The following LARP4B variants were observed in gnomAD, a reference collection of about 807,000 sequenced individuals.
LARP4B encodes la-related protein 4B.
LARP4B carries 12 observed loss-of-function variants against 89.8 expected under a neutral mutation model. That is an observed-to-expected ratio of 0.13 (90% confidence interval 0.09 to 0.22). The LOEUF is 0.22. Ranked by LOEUF, LARP4B falls within the 10% of genes least tolerant of loss-of-function variation. The pLI, the probability that LARP4B is intolerant of heterozygous loss-of-function variation, is 1.00. For missense variants in LARP4B, 757 were observed against 947.7 expected (o/e 0.80, Z 2.64); for synonymous variants, 367 against 363.3 (o/e 1.01, Z -0.12).
At chr10:975,768 A>G in the LARP4B span, among the ~76,000 whole-genome samples, 3 of 151,670 alleles carry the variant, frequency 2.0e-5, no homozygotes, top group African/African-American at 4.9e-5. Flanking sequence ...CCAGCCTAGT[A>G]GAACGTAAGC....
At chr10:926,026 T>C (rs919258253) in intron 1 of LARP4B, among the ~76,000 whole-genome samples, 2 of 152,246 alleles carry the variant, frequency 1.3e-5, no homozygotes, top group African/African-American at 4.8e-5. Flanking sequence ...TTCCTATTTG[T>C]TTACAGAAAT....
At chr10:984,394 C>G in the LARP4B span, among the ~76,000 whole-genome samples, 1 of 152,168 alleles carries the variant, frequency 6.6e-6, no homozygotes, top group African/African-American at 2.4e-5. Flanking sequence ...GAAAAGAGAT[C>G]GCAAGATTTC....
chr10:979,404 A>G, the LARP4B span, among the ~76,000 whole-genome samples: 1 of 152,282 alleles, frequency 6.6e-6, no homozygotes, highest in African/African-American at 2.4e-5. Context: ...GGGTTAGTCA[A>G]AGGGAGGCCC....
At chr10:932,030 T>TG (rs1292790005), upstream of LARP4B, among the ~76,000 whole-genome samples, 1 of 134,752 alleles carries the variant, frequency 7.4e-6, no homozygotes, top group African/African-American at 2.8e-5. Context: ...CGCCTGACGC[T>TG]GGGGGGCCGT....
At chr10:964,294 C>T in the LARP4B span, among the ~76,000 whole-genome samples, 19 of 152,118 alleles carry the variant, frequency 1.2e-4, no homozygotes, top group Non-Finnish European at 1.8e-4. Flanking sequence ...CTCGAACTCC[C>T]GACCTCGTGA....
In LARP4B at chr10:820,791, T is replaced by G. The variant is rs778198182; in HGVS notation, c.1530+9A>C. 6.2e-7 allele frequency: 1 copy of G among 1,609,662 alleles called. No individual in the cohort carries two copies. The highest frequency in any genetic ancestry group is 1.1e-5 in the South Asian group (1 of 90,852). On this transcript the variant is annotated intron_variant, in intron 14 of 17. Coordinates refer to ENST00000316157, the MANE Select transcript of LARP4B (RefSeq NM_015155.3). ...GTCTTGTGAAGAGGTATATGCTTTA[T>G]GTACTCACTGTAAACTTCTCCTCCC...
chr10:842,117 T>C (rs764140898), intron 7 of LARP4B, among the ~76,000 whole-genome samples: 127 of 152,150 alleles, frequency 8.3e-4, no homozygotes, highest in Non-Finnish European at 7.1e-4. Context: ...CTCAAAACTA[T>C]GTAGGGGCAC....
intron 1 of LARP4B, among the ~76,000 whole-genome samples, chr10:927,698 C>G (rs1363356105): frequency 6.6e-6 from 1 of 152,332 alleles, no homozygotes; most frequent in East Asian, 1.9e-4. Context: ...CAAGGAAACC[C>G]TTACAGCAGT....
intron 5 of LARP4B, among the ~76,000 whole-genome samples, chr10:854,209 G>A (rs999708491): frequency 6.6e-6 from 1 of 152,076 alleles, no homozygotes; most frequent in Non-Finnish European, 1.5e-5. Context: ...TACTACCTCT[G>A]CAGTGACTTT....
chr10:879,021 CAA>C (rs1314102040), intron 3 of LARP4B, among the ~76,000 whole-genome samples: 2 of 152,140 alleles, frequency 1.3e-5, no homozygotes, highest in Admixed American at 1.3e-4. Flanking sequence ...ACTTCCACAA[CAA>C]GAGAAGTTTT....
chr10:909,248 C>T (rs931814764), intron 1 of LARP4B, among the ~76,000 whole-genome samples: 3 of 147,092 alleles, frequency 2.0e-5, no homozygotes, highest in Non-Finnish European at 3.0e-5. Flanking sequence ...GAGCCGAGAT[C>T]GCGCCACTGC....
chr10:988,312 C>T, the LARP4B span: 2 of 629,894 alleles, frequency 3.2e-6, no homozygotes, highest in East Asian at 2.9e-5. Context: ...ACCTCCAAGC[C>T]GGGCGGGTGC....
At chr10:961,821 A>G in the LARP4B span, among the ~76,000 whole-genome samples, 1 of 152,178 alleles carries the variant, frequency 6.6e-6, no homozygotes, top group Admixed American at 6.5e-5. Flanking sequence ...CTCATGAGGG[A>G]TCCAGGGGCA....
chr10:888,278 C>T (rs1835920290), intron 1 of LARP4B, among the ~76,000 whole-genome samples: 1 of 151,442 alleles, frequency 6.6e-6, no homozygotes, highest in Non-Finnish European at 1.5e-5. Flanking sequence ...GCTGAGATCA[C>T]ACCACGGCAC....
the LARP4B span, among the ~76,000 whole-genome samples, chr10:953,592 A>G: frequency 6.7e-6 from 1 of 148,728 alleles, no homozygotes; most frequent in South Asian, 2.2e-4. Flanking sequence ...AACCAACTGC[A>G]TAACAGGCAA....
At chr10:859,028 T>C (rs1015353191) in intron 5 of LARP4B, among the ~76,000 whole-genome samples, 3 of 152,324 alleles carry the variant, frequency 2.0e-5, no homozygotes, top group African/African-American at 7.2e-5. Context: ...GGCTCACGCC[T>C]GTAATCCCAG....
chr10:911,687 G>A (rs1248250952), intron 1 of LARP4B, among the ~76,000 whole-genome samples: 2 of 152,272 alleles, frequency 1.3e-5, no homozygotes, highest in East Asian at 3.9e-4. Flanking sequence ...ACCCCCTTCT[G>A]GAAGGGTCTT....
chr10:985,591 T>C, the LARP4B span: 5 of 152,354 alleles, frequency 3.3e-5, no homozygotes, highest in East Asian at 5.8e-4. Flanking sequence ...AGGGTGGCTC[T>C]CATGCCATTG....
chr10:909,799 A>T (rs1201719301), intron 1 of LARP4B, among the ~76,000 whole-genome samples: 1 of 151,988 alleles, frequency 6.6e-6, no homozygotes, highest in Non-Finnish European at 1.5e-5. Flanking sequence ...AAAAAAAAAG[A>T]ATTTAAGTTC....
Sources: gnomAD v4.1 joint callset for allele counts (sites outside exome capture counted in the v4.1 genomes callset) on GRCh38, gnomAD v4.1.1 for gene constraint, MANE v1.5 for transcripts, NCBI Gene and HGNC (gene_info 2026-07-23, HGNC 2026-07-21) for gene names.